The following UPK1B variants were observed in gnomAD, a reference collection of about 807,000 sequenced individuals.
UPK1B encodes the protein uroplakin-1b.
UPK1B carries 28 observed loss-of-function variants against 34.2 expected under a neutral mutation model. The ratio of observed to expected loss-of-function variants is 0.82; its 90% CI spans 0.61 to 1.12. UPK1B has a LOEUF of 1.12. Among genes scored for constraint, UPK1B ranks in the 50% most tolerant of loss-of-function variants. The probability of loss-of-function intolerance (pLI) is 0.00; values close to 1 mark genes in which losing one functional copy is unlikely to be tolerated. For synonymous variants in UPK1B, 81 were observed against 110.4 expected (o/e 0.73, Z 1.67); for missense variants, 325 against 320.9 (o/e 1.01, Z -0.10).
At chr3:119,195,646 T>C (rs189980945) in intron 6 of UPK1B, among the ~76,000 whole-genome samples, 4 of 152,366 alleles carry the variant, frequency 2.6e-5, no homozygotes, top group Admixed American at 2.6e-4. Context: ...CTCAGGACTA[T>C]AAAAGGCTTT....
rs559120593 is a variant in UPK1B at position 119,201,846 on chromosome 3, C to A, written c.733-2071C>A. On this transcript the variant is annotated intron_variant, in intron 7 of 7. Coordinates refer to ENST00000264234, the MANE Select transcript of UPK1B (RefSeq NM_006952.4). ...TGAGAACTAGCTGTTCTTTGTACCCCCAGTGCCAAGCATAGCATGTAGTAA... is the reference window on the plus strand; with the variant it reads ...TGAGAACTAGCTGTTCTTTGTACCCACAGTGCCAAGCATAGCATGTAGTAA... Among the ~76,000 whole-genome samples, 21 of 152,250 alleles carry A rather than the reference C, an allele frequency of 1.4e-4. 1 individual carries two copies. The highest frequency in any genetic ancestry group is 5.1e-4 in the African/African-American group (21 of 41,558).
intron 1 of UPK1B, among the ~76,000 whole-genome samples, chr3:119,174,812 A>G (rs769484989): frequency 1.5e-4 from 23 of 151,746 alleles, no homozygotes; most frequent in Admixed American, 3.3e-4. Context: ...CAGTGAGGAG[A>G]AAAATTTCTT....
chr3:119,175,271 T>C (rs1213425336), intron 1 of UPK1B, among the ~76,000 whole-genome samples: 1 of 151,792 alleles, frequency 6.6e-6, no homozygotes, highest in Admixed American at 6.6e-5. Context: ...TCGTGATCCA[T>C]CCACCTCAGC....
In UPK1B at chr3:119,194,352, A is replaced by G. The variant is rs2078057323; in HGVS notation, c.602A>G (p.Asn201Ser). Residue 201 changes from asparagine (N) to serine (S), a missense_variant, in exon 6 of 8, where the codon AAC (asparagine) becomes AGC (serine). Transcript: ENST00000264234. The part of the protein sequence containing the change: ...CVMNNLKEPL[N>S]LEACKLGVPG... ...ATGAACAATCTTAAAGAACCTCTCAACCTGGAGGCTTGTAAACTAGGCGTG... is the reference window on the plus strand; with the variant it reads ...ATGAACAATCTTAAAGAACCTCTCAGCCTGGAGGCTTGTAAACTAGGCGTG... 4 of 1,613,672 alleles carry G rather than the reference A, an allele frequency of 2.5e-6. No homozygotes were observed. The East Asian group carries it at 8.9e-5, about 36-fold the overall frequency.
In UPK1B at chr3:119,201,427, C is replaced by T. The variant is rs373168346; in HGVS notation, c.732+2287C>T. 4.5e-4 allele frequency among the ~76,000 whole-genome samples: 69 copies of T among 152,250 alleles called. No individual in the cohort carries two copies. The South Asian group carries it at 0.012, about 26-fold the overall frequency. Reference sequence around the variant, plus strand: ...AGGAGCAAAGGCATGTCTTACATGACGGCAGGCAACACAGCGTGTGCAGGG... The same window carrying T: ...AGGAGCAAAGGCATGTCTTACATGATGGCAGGCAACACAGCGTGTGCAGGG... On this transcript the variant is annotated intron_variant, in intron 7 of 7. Coordinates refer to ENST00000264234, the MANE Select transcript of UPK1B (RefSeq NM_006952.4).
intron 1 of UPK1B, among the ~76,000 whole-genome samples, chr3:119,185,545 A>T (rs2078014083): frequency 6.6e-6 from 1 of 151,534 alleles, no homozygotes; most frequent in Non-Finnish European, 1.5e-5. Context: ...TGCAAGACTT[A>T]CGTCTTCCCG....
In UPK1B at chr3:119,203,910, A is replaced by C; in HGVS notation, c.733-7A>C. 6.2e-7 allele frequency: 1 copy of C among 1,613,836 alleles called. No individual in the cohort carries two copies. The highest frequency in any genetic ancestry group is 1.1e-5 in the South Asian group (1 of 91,074). On this transcript the variant is annotated splice_polypyrimidine_tract_variant and splice_region_variant and intron_variant, in intron 7 of 7. Coordinates refer to ENST00000264234, the MANE Select transcript of UPK1B (RefSeq NM_006952.4). ...TGTTTATTTTTCCTTGTTTTTTTCT[A>C]TTCCAGTTTTGGGTTCTCCTGGGTA... is the stretch of plus-strand genomic sequence containing the variant.
At position 119,199,185 on chromosome 3, in the gene UPK1B, C is replaced by T. The variant is rs79990407; in HGVS notation, c.732+45C>T. 2,152 of 1,605,142 alleles carry T rather than the reference C, an allele frequency of 1.3e-3. 21 individuals carry two copies. In the African/African-American group the frequency reaches 0.027, roughly 20 times the overall value. On this transcript the variant is annotated intron_variant, in intron 7 of 7. Coordinates refer to ENST00000264234, the MANE Select transcript of UPK1B (RefSeq NM_006952.4). ...TATTTTATCTGAGAGGATGATCATA[C>T]GGAGAGACCTTGAGAGTGCCACTGG...
At position 119,187,947 on chromosome 3, in the gene UPK1B, T is replaced by G. The variant is rs945490815; in HGVS notation, c.242T>G (p.Met81Arg). 3 of 1,614,076 alleles carry G rather than the reference T, an allele frequency of 1.9e-6. No homozygotes were observed. The highest frequency in any genetic ancestry group is 2.2e-5 in the South Asian group (2 of 91,078). ...CLSVLGIVGIMKSSRKILLAY... is the reference protein window; with the variant it reads ...CLSVLGIVGIRKSSRKILLAY... The stretch of plus-strand genomic sequence containing the variant: ...TCTGTTCTAGGCATTGTAGGCATCA[T>G]GAAGTCCAGCAGGAAAATTCTTCTG... Residue 81 changes from methionine (M) to arginine (R), a missense_variant, in exon 3 of 8, where the codon ATG (methionine) becomes AGG (arginine). Coordinates refer to ENST00000264234, the MANE Select transcript of UPK1B (RefSeq NM_006952.4).
intron 1 of UPK1B, among the ~76,000 whole-genome samples, chr3:119,175,415 T>G (rs1163527342): frequency 6.6e-6 from 1 of 152,150 alleles, no homozygotes; most frequent in East Asian, 1.9e-4. Context: ...CTGGAATTTG[T>G]GCCTGATAGC....
At chr3:119,187,524 C>T (rs2078024611) in intron 2 of UPK1B, among the ~76,000 whole-genome samples, 1 of 152,050 alleles carries the variant, frequency 6.6e-6, no homozygotes, top group Non-Finnish European at 1.5e-5. Context: ...GTGATTCATG[C>T]CCCAAGGACA....
intron 2 of UPK1B, among the ~76,000 whole-genome samples, chr3:119,187,182 GTTC>G (rs944508299): frequency 7.2e-5 from 11 of 152,156 alleles, no homozygotes; most frequent in African/African-American, 2.7e-4. Context: ...CTTGCATCTT[GTTC>G]TTCTCATACA....
Position 119,179,278 on chromosome 3 carries a change from G to T in UPK1B, c.-29+5640G>T, listed in dbSNP as rs530804849. ...GGAAGTCAAGGCTGCAGTGAGATAT[G>T]ATTGTGCCACTGCACTCCCTGGGTG... is the stretch of plus-strand genomic sequence containing the variant. On this transcript the variant is annotated intron_variant, in intron 1 of 7. Transcript: ENST00000264234. Among the ~76,000 whole-genome samples, 5 of 146,166 alleles carry T rather than the reference G, an allele frequency of 3.4e-5. No homozygotes were observed. In the South Asian group the frequency reaches 1.1e-3, roughly 32 times the overall value.
intron 1 of UPK1B, among the ~76,000 whole-genome samples, chr3:119,185,875 C>CAGCT (rs2107429923): frequency 6.6e-6 from 1 of 152,302 alleles, no homozygotes; most frequent in Non-Finnish European, 1.5e-5. Context: ...GACCCATGTT[C>CAGCT]AGCTGTGTAT....
rs1044729127 is a variant in UPK1B at position 119,204,130 on chromosome 3, A to G, written c.*163A>G. 34 of 688,222 alleles carry G rather than the reference A, an allele frequency of 4.9e-5. 1 individual carries two copies. The East Asian group carries it at 7.5e-4, about 15-fold the overall frequency. The allele number at this position is 688,222 out of a possible 1,614,324, so 42.6% of individuals were successfully genotyped here. A position where few individuals can be genotyped will look rare whatever the true frequency, so the allele number is the denominator to read the frequency against. On this transcript the variant is annotated 3_prime_UTR_variant, in exon 8 of 8. Coordinates refer to ENST00000264234, the MANE Select transcript of UPK1B (RefSeq NM_006952.4). The stretch of plus-strand genomic sequence containing the variant: ...TTCCTTTAGGATCTCAGGCTTCTGC[A>G]GTTCTCATGACTCCTACTTTTCATC...
intron 5 of UPK1B, among the ~76,000 whole-genome samples, chr3:119,192,222 T>C (rs902756476): frequency 1.3e-5 from 2 of 152,198 alleles, no homozygotes; most frequent in Non-Finnish European, 2.9e-5. Context: ...CTCCAATTAA[T>C]TGACCACTTT....
intron 6 of UPK1B, among the ~76,000 whole-genome samples, chr3:119,197,551 C>T (rs2078072327): frequency 6.6e-6 from 1 of 152,186 alleles, no homozygotes; most frequent in South Asian, 2.1e-4. Context: ...TTTTGTGAAC[C>T]ATCAAGTGTG....
intron 1 of UPK1B, among the ~76,000 whole-genome samples, chr3:119,176,941 A>G (rs1043544988): frequency 6.6e-6 from 1 of 152,200 alleles, no homozygotes; most frequent in African/African-American, 2.4e-5. Context: ...CCCCCAAATC[A>G]TAAGTTACGA....
chr3:119,202,875 G>A (rs1308797148), intron 7 of UPK1B, among the ~76,000 whole-genome samples: 1 of 152,166 alleles, frequency 6.6e-6, no homozygotes, highest in East Asian at 1.9e-4. Flanking sequence ...GTTTAGCACA[G>A]ACGAGAAGGG....
Sources: allele counts gnomAD v4.1 joint callset (sites outside exome capture counted in the v4.1 genomes callset), GRCh38; gene constraint gnomAD v4.1.1; transcripts MANE v1.5; gene names NCBI Gene and HGNC (gene_info 2026-07-23, HGNC 2026-07-21).